Variants in POLR2H observed in about 807,000 individuals in gnomAD.
The protein encoded by POLR2H is RNA polymerase II, I and III subunit H, also known as DNA-directed RNA polymerases I, II, and III subunit RPABC3.
A neutral mutation model predicts 18.1 loss-of-function variants in POLR2H; 3 were observed. That is an observed-to-expected ratio of 0.17 (90% CI 0.08 to 0.43). The LOEUF (loss-of-function observed/expected upper bound fraction) is 0.43. Among genes scored for constraint, POLR2H ranks in the 20% least tolerant of loss-of-function variants. POLR2H has a pLI of 0.99. For synonymous variants in POLR2H, 76 were observed against 69.0 expected, an observed-to-expected ratio of 1.10 and a Z score of -0.50; for missense variants, 103 against 184.6, an observed-to-expected ratio of 0.56 and a Z score of 2.56.
At chr3:184,364,715 C>G (rs1181200431) in intron 2 of POLR2H, 1 of 542,876 alleles carries the variant, frequency 1.8e-6, no homozygotes, top group African/African-American at 1.9e-5. Context: ...GTCAGGTTCT[C>G]AGTCATCCAG....
chr3:184,365,038 C>T lies in POLR2H; in HGVS notation c.146C>T (p.Pro49Leu), dbSNP rs781641299. ...TTAGATGTAAACATTCAAATTTACC[C>T]TGTAGACTTGGGTAAGTATTGAATA... ...LILDVNIQIY[P>L]VDLGDKFRLV... is the part of the protein sequence containing the mutation. The change falls in exon 3 of 6, where the codon CCT (proline) becomes CTT (leucine). Residue 49 changes from proline to leucine, a missense_variant. By Grantham distance (98) the Pro-to-Leu change is moderately conservative. Coordinates refer to ENST00000456318, the MANE Select transcript of POLR2H (RefSeq NM_006232.5). 1.9e-6 allele frequency: 3 copies of T among 1,603,476 alleles called. No individual in the cohort carries two copies. The highest frequency in any genetic ancestry group is 2.7e-5 in the African/African-American group (2 of 74,702).
chr3:184,368,402 G>C lies in POLR2H; in HGVS notation c.*108G>C, dbSNP rs892579794. ...CCTGTTGAGGAAGGGCTGGCTCACT[G>C]TCCACCGTGGCGGCATCTTTAACTG... On this transcript the variant is annotated 3_prime_UTR_variant, in exon 6 of 6. Transcript: ENST00000456318. 16 of 891,352 alleles carry C rather than the reference G, an allele frequency of 1.8e-5. No homozygotes were observed. The African/African-American group carries it at 2.7e-4, about 15-fold the overall frequency. 55.2% of individuals were successfully genotyped at this position (891,352 alleles called of 1,614,324 possible).
chr3:184,365,700 GC>G (rs913414664), intron 4 of POLR2H, among the ~76,000 whole-genome samples: 9 of 150,360 alleles, frequency 6.0e-5, no homozygotes, highest in Admixed American at 1.3e-4. Flanking sequence ...CGGGCCGGGC[GC>G]GGTGGCTCAC....
At chr3:184,364,924 C>T (rs1262714201) in intron 2 of POLR2H, 42 bp from the exon 3 acceptor site, 7 of 1,353,874 alleles carry the variant, frequency 5.2e-6, no homozygotes, top group Non-Finnish European at 7.4e-6. Flanking sequence ...GTAGGATCTG[C>T]CTTGGCAATA....
intron 2 of POLR2H, chr3:184,364,657 C>T (rs940379610): frequency 9.3e-6 from 4 of 431,842 alleles, no homozygotes; most frequent in South Asian, 6.5e-5. Context: ...AGCACAGTGC[C>T]TAGCATAGAA....
chr3:184,368,386 G>C lies in POLR2H; in HGVS notation c.*92G>C. 2.8e-6 allele frequency: 3 copies of C among 1,086,322 alleles called. No homozygotes were observed. Among genetic ancestry groups the C allele is most frequent in the Non-Finnish European group, 4.0e-6 (3 of 759,480 alleles). 67.3% of individuals were successfully genotyped at this position (1,086,322 alleles called of 1,614,324 possible). ...CAGCCGCTCTTGCTCACCTGTTGAG[G>C]AAGGGCTGGCTCACTGTCCACCGTG... On this transcript the variant is annotated 3_prime_UTR_variant, in exon 6 of 6. Coordinates refer to ENST00000456318, the MANE Select transcript of POLR2H (RefSeq NM_006232.5).
intron 4 of POLR2H, chr3:184,365,431 C>A: frequency 1.7e-6 from 1 of 586,996 alleles, no homozygotes; most frequent in Non-Finnish European, 3.0e-6. Flanking sequence ...GAGGCCGAGG[C>A]AGGAGGATTG....
In POLR2H at chr3:184,368,375, C is replaced by A; in HGVS notation, c.*81C>A. The A allele has an allele frequency of 1.6e-6, 2 of 1,224,348 alleles. No homozygotes were observed. The highest frequency in any genetic ancestry group is 1.5e-5 in the South Asian group (1 of 65,082). The allele number at this position is 1,224,348 out of a possible 1,614,324, so 75.8% of individuals were successfully genotyped here. On this transcript the variant is annotated 3_prime_UTR_variant, in exon 6 of 6. Coordinates refer to ENST00000456318, the MANE Select transcript of POLR2H (RefSeq NM_006232.5). The stretch of plus-strand genomic sequence containing the variant: ...AGCCTGAGTGGCAGCCGCTCTTGCT[C>A]ACCTGTTGAGGAAGGGCTGGCTCAC...
chr3:184,366,938 G>A, intron 5 of POLR2H, 138 bp downstream of exon 5: 1 of 639,248 alleles, frequency 1.6e-6, no homozygotes, highest in East Asian at 2.8e-5. Flanking sequence ...ATAGTTCTGG[G>A]AGCAGTTTCC....
In POLR2H at chr3:184,363,538, G is replaced by A; in HGVS notation, c.46G>A (p.Asp16Asn). The change falls in exon 2 of 6, where the codon GAC becomes AAC. Residue 16 changes from aspartate (D) to asparagine (N), a missense_variant. Transcript: ENST00000456318. ...FEDIFDVKDI[D>N]PEGKKFDRVS... is the part of the protein sequence containing the mutation. ...GGATATTTTCGATGTGAAGGATATT[G>A]ACCCGGAGGGCAAGAAGTTTGACCG... 6.2e-7 allele frequency: 1 copy of A among 1,614,106 alleles called. No homozygotes were observed. The highest frequency in any genetic ancestry group is 8.5e-7 in the Non-Finnish European group (1 of 1,179,980).
chr3:184,363,286 A>G lies in POLR2H; in HGVS notation c.-207A>G, dbSNP rs1454379491. On this transcript the variant is annotated 5_prime_UTR_variant, in exon 2 of 6. Transcript: ENST00000456318. ...AGCCTCTCGGAAGCAATCTTTCGGG[A>G]CGGAAGTTAAGTAGCCCCGAGCGGG... The G allele has an allele frequency of 6.6e-6, 4 of 608,356 alleles. No individual in the cohort carries two copies. Among genetic ancestry groups the G allele is most frequent in the Non-Finnish European group, 1.2e-5 (4 of 337,150 alleles). The allele number at this position is 608,356 out of a possible 1,614,324, so 37.7% of individuals were successfully genotyped here.
intron 5 of POLR2H, among the ~76,000 whole-genome samples, chr3:184,367,492 C>CT (rs202193300): frequency 0.21 from 30,300 of 143,012 alleles, 3,379 homozygotes; most frequent in East Asian, 0.38. Flanking sequence ...CTTTTCTTTT[C>CT]TTTTTTTTTT....
At position 184,363,583 on chromosome 3, in the gene POLR2H, G is replaced by A; in HGVS notation, c.73+18G>A. 2 of 1,607,700 alleles carry A rather than the reference G, an allele frequency of 1.2e-6. No homozygotes were observed. The highest frequency in any genetic ancestry group is 1.7e-6 in the Non-Finnish European group (2 of 1,174,554). ...TGACCGAGGTAAGTAAGGTATGTAG[G>A]GGCGGTTTGGAGGAAGAGGCTAACC... is the stretch of plus-strand genomic sequence containing the variant. On this transcript the variant is annotated intron_variant, in intron 2 of 5. Coordinates refer to ENST00000456318, the MANE Select transcript of POLR2H (RefSeq NM_006232.5).
chr3:184,363,385 CA>C lies in POLR2H; in HGVS notation c.-107del, dbSNP rs1202157137. 1.1e-6 allele frequency: 1 copy of C among 919,444 alleles called. No individual in the cohort carries two copies. The highest frequency in any genetic ancestry group is 1.8e-6 in the Non-Finnish European group (1 of 567,732). The allele number at this position is 919,444 out of a possible 1,614,324, so 57.0% of individuals were successfully genotyped here. A position where few individuals can be genotyped will look rare whatever the true frequency, so the allele number is the denominator to read the frequency against. On this transcript the variant is annotated 5_prime_UTR_variant, in exon 2 of 6. It introduces an in-frame stop codon into an upstream open reading frame of the 5' UTR. Transcript: ENST00000456318. ...CACTCTCGTCTGGCCGCCGCGCTTT[CA>C]GGAGGTGCTTTTGGTTCTCTCCGGT... is the stretch of plus-strand genomic sequence containing the variant.
At chr3:184,367,653 A>G (rs1332880387) in intron 5 of POLR2H, among the ~76,000 whole-genome samples, 2 of 147,484 alleles carry the variant, frequency 1.4e-5, no homozygotes, top group African/African-American at 5.0e-5. Flanking sequence ...TGCCTGGCTA[A>G]TTTTTTTTTT....
At chr3:184,366,619 T>G in intron 4 of POLR2H, 98 bp from the exon 5 acceptor site, 3 of 710,802 alleles carry the variant, frequency 4.2e-6, no homozygotes, top group Non-Finnish European at 7.5e-6. Flanking sequence ...GTTACAGGCT[T>G]GAGCCACCAC....
In POLR2H at chr3:184,363,385, C is replaced by T. The variant is rs1228492062; in HGVS notation, c.-108C>T. 3 of 919,444 alleles carry T rather than the reference C, an allele frequency of 3.3e-6. No homozygotes were observed. Among genetic ancestry groups the T allele is most frequent in the East Asian group, 2.5e-5 (1 of 40,416 alleles). 57.0% of individuals were successfully genotyped at this position (919,444 alleles called of 1,614,324 possible). A position where few individuals can be genotyped will look rare whatever the true frequency, so the allele number is the denominator to read the frequency against. ...CACTCTCGTCTGGCCGCCGCGCTTT[C>T]AGGAGGTGCTTTTGGTTCTCTCCGG... On this transcript the variant is annotated 5_prime_UTR_variant, in exon 2 of 6. Transcript: ENST00000456318.
chr3:184,361,739 G>A lies in POLR2H; in HGVS notation c.-1028G>A, dbSNP rs1712171257. The A allele has an allele frequency of 5.5e-6, 1 of 182,848 alleles. No individual in the cohort carries two copies. The highest frequency in any genetic ancestry group is 1.1e-5 in the Non-Finnish European group (1 of 89,070). 11.3% of individuals were successfully genotyped at this position (182,848 alleles called of 1,614,324 possible). On this transcript the variant is annotated 5_prime_UTR_variant, in exon 1 of 6. Coordinates refer to ENST00000456318, the MANE Select transcript of POLR2H (RefSeq NM_006232.5). This position sits in a 1 kb window ranked among gnomAD's most constrained non-coding sequence, Gnocchi z 6.6. The stretch of plus-strand genomic sequence containing the variant: ...GGAGGGGACGGCCCAGCCAGGCTGG[G>A]GTCCGCGCGGGGCCTCCCGAGAGGC...
In POLR2H at chr3:184,365,212, T is replaced by C; in HGVS notation, c.237T>C (p.Asp79=). The C allele has an allele frequency of 6.2e-7, 1 of 1,606,062 alleles. No individual in the cohort carries two copies. Among genetic ancestry groups the C allele is most frequent in the Non-Finnish European group, 8.5e-7 (1 of 1,172,644 alleles). Residue 79 remains aspartate, a synonymous_variant, in exon 4 of 6, where the codon GAT becomes GAC. Coordinates refer to ENST00000456318, the MANE Select transcript of POLR2H (RefSeq NM_006232.5). ...ATGATGGTGAATACAACCCCACTGA[T>C]GATAGGCCTTCCAGGTGAGGGAGTG... is the stretch of plus-strand genomic sequence containing the variant. The part of the protein sequence containing the change: ...TLDDGEYNPT[D]DRPSRADQFE...
Sources: gnomAD v4.1 joint callset for allele counts (sites outside exome capture counted in the v4.1 genomes callset) on GRCh38, gnomAD v4.1.1 for gene constraint, Gnocchi (gnomAD v3.1) non-coding constraint, MANE v1.5 for transcripts, NCBI Gene and HGNC (gene_info 2026-07-23, HGNC 2026-07-21) for gene names.